Variants in DSCAM observed in about 807,000 individuals in gnomAD.
The protein encoded by DSCAM is cell adhesion molecule DSCAM.
DSCAM carries 47 observed loss-of-function variants against 217.7 expected under a neutral mutation model. The ratio of observed to expected loss-of-function variants is 0.22; its 90% CI spans 0.17 to 0.28. The LOEUF (loss-of-function observed/expected upper bound fraction) is 0.28, where lower values mean the gene tolerates loss of function less well. Ranked by LOEUF, DSCAM falls within the 10% of genes least tolerant of loss-of-function variation. The pLI, the probability that DSCAM is intolerant of heterozygous loss-of-function variation, is 1.00. For missense variants in DSCAM, 2,080 were observed against 2,618.3 expected, an observed-to-expected ratio of 0.79 and a Z score of 4.49; for synonymous variants, 1,056 against 1,015.3, an observed-to-expected ratio of 1.04 and a Z score of -0.76.
intron 3 of DSCAM, among the ~76,000 whole-genome samples, chr21:40,582,453 C>T (rs1211764764): frequency 6.6e-6 from 1 of 151,850 alleles, no homozygotes; most frequent in Non-Finnish European, 1.5e-5. Context: ...CAGTCCCAGC[C>T]GAAAGGATCA....
chr21:40,144,360 C>G lies in DSCAM; in HGVS notation c.3259+131G>C, dbSNP rs75776507. 3,498 of 1,432,456 alleles carry G rather than the reference C, an allele frequency of 2.4e-3. 110 individuals are homozygous for G. In the Admixed American group the frequency reaches 0.068, roughly 28 times the overall value. The allele number at this position is 1,432,456 out of a possible 1,614,324, so 88.7% of individuals were successfully genotyped here. ...GGTCACGAGGGAAGGCTTTTCCACC[C>G]GAGACCCCAGGCCCTGCAGGTCACT... On this transcript the variant is annotated intron_variant, in intron 17 of 32. Coordinates refer to ENST00000400454, the MANE Select transcript of DSCAM (RefSeq NM_001389.5). This position sits in a 1 kb window ranked among gnomAD's most constrained non-coding sequence, Gnocchi z 4.8.
chr21:40,563,772 TTA>T (rs59999408), intron 3 of DSCAM, among the ~76,000 whole-genome samples: 45,026 of 146,668 alleles, frequency 0.31, 8,388 homozygotes, highest in Non-Finnish European at 0.38. Flanking sequence ...GTTTGTATGT[TTA>T]TATATATGTT....
chr21:40,653,173 TAAC>T (rs2090036337), intron 3 of DSCAM, among the ~76,000 whole-genome samples: 1 of 152,200 alleles, frequency 6.6e-6, no homozygotes, highest in South Asian at 2.1e-4. Flanking sequence ...ACTATAACCT[TAAC>T]AACAATAGCT....
intron 3 of DSCAM, among the ~76,000 whole-genome samples, chr21:40,486,427 A>G (rs2076028984): frequency 6.6e-6 from 1 of 152,024 alleles, no homozygotes; most frequent in Admixed American, 6.6e-5. Context: ...AATAAATGTC[A>G]AGTAAAAGAG....
chr21:40,705,667 G>T (rs2090706853), intron 2 of DSCAM, among the ~76,000 whole-genome samples: 1 of 152,164 alleles, frequency 6.6e-6, no homozygotes, highest in African/African-American at 2.4e-5. Context: ...CACGAGAACA[G>T]AATGGGGGAA....
chr21:40,668,794 G>A (rs904019423), intron 3 of DSCAM, among the ~76,000 whole-genome samples: 1 of 152,078 alleles, frequency 6.6e-6, no homozygotes, highest in Admixed American at 6.5e-5. Flanking sequence ...CAGCTTTCCT[G>A]GAAGATGAGA....
intron 15 of DSCAM, among the ~76,000 whole-genome samples, chr21:40,174,555 A>G (rs1018914259): frequency 1.3e-5 from 2 of 149,924 alleles, no homozygotes; most frequent in African/African-American, 2.5e-5. Context: ...TTAAAGATGA[A>G]AAAACTATGC....
At chr21:40,168,712 G>A (rs1169126757) in intron 15 of DSCAM, among the ~76,000 whole-genome samples, 2 of 152,218 alleles carry the variant, frequency 1.3e-5, no homozygotes, top group Non-Finnish European at 2.9e-5. Context: ...GGGTAGATTT[G>A]GGGAAGCGCA....
intron 3 of DSCAM, among the ~76,000 whole-genome samples, chr21:40,533,627 AACCC>A (rs2076470769): frequency 1.3e-5 from 2 of 148,538 alleles, no homozygotes; most frequent in African/African-American, 2.5e-5. Flanking sequence ...CCATCCATCC[AACCC>A]TCCATCCATC....
At chr21:40,098,574 A>C (rs1343105318) in intron 20 of DSCAM, among the ~76,000 whole-genome samples, 2 of 152,250 alleles carry the variant, frequency 1.3e-5, no homozygotes, top group Non-Finnish European at 2.9e-5. Flanking sequence ...AGAAGGACTT[A>C]CTTTTACTCT....
chr21:40,541,207 T>A (rs1395852955), intron 3 of DSCAM, among the ~76,000 whole-genome samples: 2 of 152,132 alleles, frequency 1.3e-5, no homozygotes, highest in East Asian at 3.8e-4. Context: ...AAATTTTCAA[T>A]AAAAAAGCAT....
chr21:40,646,428 A>ACG (rs2089948081), intron 3 of DSCAM, among the ~76,000 whole-genome samples: 2 of 146,694 alleles, frequency 1.4e-5, no homozygotes, highest in Admixed American at 1.3e-4. Context: ...AAAAAAAAAA[A>ACG]GGGGGGCTGT....
rs75790547 is a variant in DSCAM, at chr21:40,637,815, G to C, written c.508+54995C>G. Among the ~76,000 whole-genome samples, 208 of 150,274 alleles carry C rather than the reference G, an allele frequency of 1.4e-3. 1 individual carries two copies. The highest frequency in any genetic ancestry group is 2.0e-3 in the Non-Finnish European group (139 of 67,822). On this transcript the variant is annotated intron_variant, in intron 3 of 32. Coordinates refer to ENST00000400454, the MANE Select transcript of DSCAM (RefSeq NM_001389.5). ...AGCCTCTCAAGTAGCTGGGACTACAGGTGCGCACCACCACGCCTGGCTAAT... is the reference window on the plus strand; with the variant it reads ...AGCCTCTCAAGTAGCTGGGACTACACGTGCGCACCACCACGCCTGGCTAAT...
At chr21:40,503,164 G>A (rs2076183173) in intron 3 of DSCAM, among the ~76,000 whole-genome samples, 1 of 152,202 alleles carries the variant, frequency 6.6e-6, no homozygotes, top group Non-Finnish European at 1.5e-5. Flanking sequence ...AGAAACCAGG[G>A]TTTGGAGAGT....
At chr21:40,793,944 G>T (rs1459329322) in intron 1 of DSCAM, among the ~76,000 whole-genome samples, 2 of 152,144 alleles carry the variant, frequency 1.3e-5, no homozygotes, top group African/African-American at 4.8e-5. Context: ...TATTAGTTTT[G>T]TTGTTTGTGG....
At chr21:40,148,451 T>C (rs997049392) in intron 16 of DSCAM, among the ~76,000 whole-genome samples, 1 of 152,176 alleles carries the variant, frequency 6.6e-6, no homozygotes, top group African/African-American at 2.4e-5. Context: ...CACATCTCTG[T>C]AAACATATGA....
At chr21:40,172,350 C>T (rs1460665319) in intron 15 of DSCAM, among the ~76,000 whole-genome samples, 1 of 152,192 alleles carries the variant, frequency 6.6e-6, no homozygotes, top group East Asian at 1.9e-4. Flanking sequence ...CAGTAATAAG[C>T]GAAGACTATC....
chr21:40,778,637 T>C (rs1466671843), intron 1 of DSCAM, among the ~76,000 whole-genome samples: 1 of 152,156 alleles, frequency 6.6e-6, no homozygotes, highest in African/African-American at 2.4e-5. Context: ...GAAAAACTTA[T>C]TAAACAAAGA....
chr21:40,094,058 T>C (rs2089646370), intron 20 of DSCAM, among the ~76,000 whole-genome samples, 184 bp from the exon 21 acceptor site: 1 of 152,170 alleles, frequency 6.6e-6, no homozygotes, highest in African/African-American at 2.4e-5. Flanking sequence ...CCATCTACAT[T>C]TTTCTCTGCA....
Sources: allele counts gnomAD v4.1 joint callset (sites outside exome capture counted in the v4.1 genomes callset), GRCh38; gene constraint gnomAD v4.1.1; non-coding constraint Gnocchi (gnomAD v3.1); transcripts MANE v1.5; gene names NCBI Gene and HGNC (gene_info 2026-07-23, HGNC 2026-07-21).